The following AOPEP variants were observed in gnomAD, a reference collection of about 807,000 sequenced individuals.
AOPEP encodes aminopeptidase O.
Under a neutral mutation model 98.1 loss-of-function variants are expected in AOPEP, and 77 were observed. That is an observed-to-expected ratio of 0.78 (90% confidence interval 0.65 to 0.95). The LOEUF is 0.95. Ranked by LOEUF, AOPEP falls within the 40% of genes least tolerant of loss-of-function variation. The pLI is 0.00. For synonymous variants in AOPEP, 346 were observed against 365.3 expected (o/e 0.95, Z 0.60); for missense variants, 1,024 against 1,024.7 (o/e 1.00, Z 0.01).
At chr9:94,728,239 G>GCGCGCGCGTGCGCACACACACA (rs113657409) in intron 1 of AOPEP, among the ~76,000 whole-genome samples, 1 of 146,512 alleles carries the variant, frequency 6.8e-6, no homozygotes, top group South Asian at 2.2e-4. Context: ...GTGCGCGCAT[G>GCGCGCGCGTGCGCACACACACA]CACACACACA....
intron 1 of AOPEP, among the ~76,000 whole-genome samples, chr9:94,752,577 A>G (rs1836071382): frequency 6.6e-6 from 1 of 152,236 alleles, no homozygotes; most frequent in Non-Finnish European, 1.5e-5. Context: ...AGAGGATGTA[A>G]TACAGACATT....
At chr9:94,792,973 G>T in intron 4 of AOPEP, 55 bp downstream of exon 4, 1 of 1,517,646 alleles carries the variant, frequency 6.6e-7, no homozygotes, top group Non-Finnish European at 8.9e-7. Flanking sequence ...TTGAGGGAGC[G>T]GTATGATGCA....
At chr9:94,900,751 A>AT (rs1163431065) in intron 5 of AOPEP, 1 of 152,200 alleles carries the variant, frequency 6.6e-6, no homozygotes, top group African/African-American at 2.4e-5. Flanking sequence ...AGAGTGGGGC[A>AT]TGTAGACAAT....
chr9:95,083,282 A>G (rs114313010), intron 16 of AOPEP, among the ~76,000 whole-genome samples: 1,900 of 151,002 alleles, frequency 0.013, 39 homozygotes, highest in African/African-American at 0.043. Context: ...CACACGTAGC[A>G]CACACACTGC....
intron 9 of AOPEP, among the ~76,000 whole-genome samples, chr9:94,961,186 C>T (rs1174879572): frequency 1.3e-5 from 2 of 152,122 alleles, no homozygotes; most frequent in Admixed American, 6.5e-5. Context: ...TCCTGCTTTT[C>T]CCCCTTTCTG....
At chr9:94,907,938 C>A (rs2051413406) in intron 5 of AOPEP, among the ~76,000 whole-genome samples, 1 of 152,152 alleles carries the variant, frequency 6.6e-6, no homozygotes, top group African/African-American at 2.4e-5. Flanking sequence ...CAGCTCTATT[C>A]TTTGAACTGC....
At chr9:95,043,270 C>CAGATATATATACATATATATT (rs1426781093) in intron 13 of AOPEP, among the ~76,000 whole-genome samples, 1 of 17,248 alleles carries the variant, frequency 5.8e-5, no homozygotes, top group Non-Finnish European at 3.4e-4. Flanking sequence ...ACATATATAT[C>CAGATATATATACATATATATT]TGTATATATG....
At chr9:95,039,302 C>G (rs746071950) in intron 13 of AOPEP, among the ~76,000 whole-genome samples, 1 of 152,090 alleles carries the variant, frequency 6.6e-6, no homozygotes, top group Non-Finnish European at 1.5e-5. Flanking sequence ...TGCGGTGGCT[C>G]ATGCCTGTAT....
At chr9:94,992,598 AAGACGTC>A (rs2060963805) in intron 11 of AOPEP, among the ~76,000 whole-genome samples, 1 of 152,216 alleles carries the variant, frequency 6.6e-6, no homozygotes, top group South Asian at 2.1e-4. Flanking sequence ...ATAGTGGATG[AAGACGTC>A]AGTGAATCCA....
chr9:94,852,252 T>G (rs1442999039), intron 5 of AOPEP, among the ~76,000 whole-genome samples: 1 of 152,230 alleles, frequency 6.6e-6, no homozygotes, highest in Non-Finnish European at 1.5e-5. Flanking sequence ...CTGGGGTAGC[T>G]TCTAGGCAGC....
rs139203133 is a variant in AOPEP, at chr9:94,991,460, G to A, written c.1977+12033G>A. ...GGAGCGGAGCCCCAGGAGAAGTGTA[G>A]TATCTGCCCAAGCTCGCAGCACTAG... On this transcript the variant is annotated intron_variant, in intron 11 of 16. Transcript: ENST00000375315. 2.2e-4 allele frequency among the ~76,000 whole-genome samples: 34 copies of A among 152,348 alleles called. 1 individual carries two copies. In the East Asian group the frequency reaches 5.8e-3, roughly 26 times the overall value.
intron 5 of AOPEP, among the ~76,000 whole-genome samples, chr9:94,892,278 A>G (rs1218194122): frequency 6.6e-6 from 1 of 152,122 alleles, no homozygotes; most frequent in Non-Finnish European, 1.5e-5. Flanking sequence ...TCTTTCTGAG[A>G]CCTTTATGAT....
chr9:95,077,417 G>A (rs2069190239), intron 14 of AOPEP, among the ~76,000 whole-genome samples: 1 of 152,244 alleles, frequency 6.6e-6, no homozygotes, highest in African/African-American at 2.4e-5. Flanking sequence ...ATGCTGCGGG[G>A]TGGCTGGCGA....
chr9:94,979,564 C>T (rs1336129480), intron 11 of AOPEP, 137 bp downstream of exon 11: 8 of 611,844 alleles, frequency 1.3e-5, no homozygotes, highest in Admixed American at 9.5e-5. Flanking sequence ...ATCTGTAAGT[C>T]AGAACACTAG....
intron 2 of AOPEP, among the ~76,000 whole-genome samples, chr9:94,762,821 A>C (rs60120): frequency 0.052 from 7,899 of 152,272 alleles, 228 homozygotes; most frequent in Admixed American, 0.077. Context: ...TGGATATGTT[A>C]AGGACTTTAA....
chr9:94,929,470 T>C (rs77080109), intron 7 of AOPEP, among the ~76,000 whole-genome samples: 4 of 152,376 alleles, frequency 2.6e-5, no homozygotes, highest in African/African-American at 9.6e-5. Flanking sequence ...CACTGCAGAA[T>C]GTTGGGGTAT....
chr9:95,099,739 C>T, the AOPEP span: 633 of 232,532 alleles, frequency 2.7e-3, 5 homozygotes, highest in African/African-American at 0.012. Flanking sequence ...CCGGCAAGGC[C>T]GCCTCCACCG....
chr9:95,075,411 T>C (rs934111127), intron 14 of AOPEP, among the ~76,000 whole-genome samples: 1 of 152,170 alleles, frequency 6.6e-6, no homozygotes, highest in East Asian at 1.9e-4. Context: ...AAAACCGCCA[T>C]GAACAAAGTC....
chr9:95,111,668 A>G, the AOPEP span: 2 of 1,613,838 alleles, frequency 1.2e-6, no homozygotes, highest in South Asian at 2.2e-5. Context: ...ATGGCAGTTG[A>G]CAACCTAAAT....
Sources: allele counts gnomAD v4.1 joint callset (sites outside exome capture counted in the v4.1 genomes callset), GRCh38; gene constraint gnomAD v4.1.1; transcripts MANE v1.5; gene names NCBI Gene and HGNC (gene_info 2026-07-23, HGNC 2026-07-21).